FGF12: variants seen among roughly 807,000 people sequenced by gnomAD.
FGF12 encodes the protein fibroblast growth factor 12B.
FGF12 carries 14 observed loss-of-function variants against 23.6 expected under a neutral mutation model. The ratio of observed to expected loss-of-function variants is 0.59; its 90% CI spans 0.39 to 0.93. The LOEUF is 0.93. Among genes scored for constraint, FGF12 ranks in the 40% least tolerant of loss-of-function variants. The probability of loss-of-function intolerance (pLI) is 0.00; values close to 1 mark genes in which losing one functional copy is unlikely to be tolerated. For synonymous variants in FGF12, 62 were observed against 77.3 expected, an observed-to-expected ratio of 0.80 and a Z score of 1.04; for missense variants, 175 against 217.8, an observed-to-expected ratio of 0.80 and a Z score of 1.24.
chr3:192,372,797 T>C (rs1327667328), intron 2 of FGF12, among the ~76,000 whole-genome samples: 1 of 152,184 alleles, frequency 6.6e-6, no homozygotes, highest in Admixed American at 6.5e-5. Context: ...TCCCATTTCA[T>C]TTACAAGAAA....
At chr3:192,692,083 C>T (rs1339032783) in intron 2 of FGF12, among the ~76,000 whole-genome samples, 1 of 152,002 alleles carries the variant, frequency 6.6e-6, no homozygotes, top group Non-Finnish European at 1.5e-5. Flanking sequence ...TTCTACCAGA[C>T]ATTTAAGGAA....
At chr3:192,538,429 T>C (rs970814991) in intron 2 of FGF12, among the ~76,000 whole-genome samples, 3 of 152,218 alleles carry the variant, frequency 2.0e-5, no homozygotes, top group African/African-American at 4.8e-5. Context: ...AAGTTAACTG[T>C]AGACATATGG....
chr3:192,256,805 T>A (rs1712425358), intron 4 of FGF12, among the ~76,000 whole-genome samples: 1 of 152,200 alleles, frequency 6.6e-6, no homozygotes, highest in South Asian at 2.1e-4. Context: ...AATAGATGAA[T>A]AATGAGCATT....
At chr3:192,568,916 G>C (rs372803287) in intron 2 of FGF12, among the ~76,000 whole-genome samples, 1 of 152,090 alleles carries the variant, frequency 6.6e-6, no homozygotes, top group Non-Finnish European at 1.5e-5. Context: ...TTCAACCTTC[G>C]AGAACCAACT....
intron 2 of FGF12, among the ~76,000 whole-genome samples, chr3:192,624,515 A>G (rs73054481): frequency 0.013 from 2,012 of 152,162 alleles, 49 homozygotes; most frequent in African/African-American, 0.046. Context: ...GTTCATTTAT[A>G]TTTTTTCTCA....
At chr3:192,213,575 C>T (rs958180154) in intron 4 of FGF12, among the ~76,000 whole-genome samples, 1 of 152,168 alleles carries the variant, frequency 6.6e-6, no homozygotes. Context: ...TATCTGAGAT[C>T]GCCCAGCTTA....
At chr3:192,405,684 C>T (rs1013747601) in intron 2 of FGF12, among the ~76,000 whole-genome samples, 1 of 152,164 alleles carries the variant, frequency 6.6e-6, no homozygotes, top group Non-Finnish European at 1.5e-5. Context: ...TGGTGTTTAG[C>T]AACTTCCTCC....
intron 2 of FGF12, among the ~76,000 whole-genome samples, chr3:192,654,919 T>C (rs1367319329): frequency 6.6e-6 from 1 of 152,184 alleles, no homozygotes; most frequent in African/African-American, 2.4e-5. Flanking sequence ...GTCAACTAGA[T>C]TGATGGACCA....
rs549462405 is a variant in FGF12, at chr3:192,686,897, C to T, written c.13+40284G>A. On this transcript the variant is annotated intron_variant, in intron 2 of 5. Transcript: ENST00000445105. ...AGGCTGGAGTGCAGTGGTGCCATCT[C>T]GGCTCACTGCAAGCTCCGGCTTCTG... Among the ~76,000 whole-genome samples, 4 of 127,992 alleles carry T rather than the reference C, an allele frequency of 3.1e-5. No individual in the cohort carries two copies. The South Asian group carries it at 7.8e-4, about 25-fold the overall frequency. 84.0% of individuals were successfully genotyped at this position (127,992 alleles called of 152,430 possible).
chr3:192,470,196 T>G (rs1316843258), intron 2 of FGF12, among the ~76,000 whole-genome samples: 3 of 152,182 alleles, frequency 2.0e-5, no homozygotes, highest in African/African-American at 7.2e-5. Context: ...TTTTTACTCA[T>G]ATTAAATTTA....
chr3:192,475,751 C>G (rs111720303), intron 2 of FGF12, among the ~76,000 whole-genome samples: 1 of 152,232 alleles, frequency 6.6e-6, no homozygotes, highest in Non-Finnish European at 1.5e-5. Flanking sequence ...AAGCTGTTCT[C>G]GTGATAGGGA....
At chr3:192,497,645 A>T (rs757498834) in intron 2 of FGF12, among the ~76,000 whole-genome samples, 7 of 152,166 alleles carry the variant, frequency 4.6e-5, no homozygotes, top group Non-Finnish European at 1.0e-4. Flanking sequence ...TTCCTGCTTC[A>T]GGACTTTTCC....
chr3:192,299,024 C>T (rs56954538), intron 4 of FGF12, among the ~76,000 whole-genome samples: 6,987 of 152,270 alleles, frequency 0.046, 444 homozygotes, highest in African/African-American at 0.15. Flanking sequence ...TGTGCTTCCA[C>T]GACCTGAACA....
intron 2 of FGF12, among the ~76,000 whole-genome samples, chr3:192,399,281 T>C (rs1720659116): frequency 6.6e-6 from 1 of 152,140 alleles, no homozygotes; most frequent in African/African-American, 2.4e-5. Context: ...ATTAGTGGTC[T>C]TACAAAAGAG....
chr3:192,425,946 T>C (rs1193111301), intron 2 of FGF12, among the ~76,000 whole-genome samples: 4 of 152,218 alleles, frequency 2.6e-5, no homozygotes, highest in Non-Finnish European at 5.9e-5. Flanking sequence ...CTTTCTTAAA[T>C]GGATATAAAT....
At chr3:192,701,885 A>G (rs1407400117) in intron 2 of FGF12, among the ~76,000 whole-genome samples, 2 of 152,152 alleles carry the variant, frequency 1.3e-5, no homozygotes, top group African/African-American at 2.4e-5. Flanking sequence ...AGCACCTAAA[A>G]TCTGCTCTTA....
intron 2 of FGF12, among the ~76,000 whole-genome samples, chr3:192,666,905 T>G (rs1716890616): frequency 6.9e-6 from 1 of 144,204 alleles, no homozygotes; most frequent in Non-Finnish European, 1.5e-5. Flanking sequence ...GATGGATAGT[T>G]GGATAGATAG....
intron 5 of FGF12, 39 bp downstream of exon 5, chr3:192,170,419 A>G: frequency 6.4e-7 from 1 of 1,564,170 alleles, no homozygotes; most frequent in Non-Finnish European, 8.8e-7. Context: ...GTCAACACAC[A>G]GATAAGGGTC....
At chr3:192,609,408 C>T (rs1263228691) in intron 2 of FGF12, among the ~76,000 whole-genome samples, 2 of 152,062 alleles carry the variant, frequency 1.3e-5, no homozygotes, top group African/African-American at 4.8e-5. Context: ...GGGAAGCACC[C>T]AAACCAGGGT....
Sources: gnomAD v4.1 joint callset for allele counts (sites outside exome capture counted in the v4.1 genomes callset) on GRCh38, gnomAD v4.1.1 for gene constraint, MANE v1.5 for transcripts, NCBI Gene and HGNC (gene_info 2026-07-23, HGNC 2026-07-21) for gene names.